Variants in KIF13A observed in about 807,000 individuals in gnomAD.
The protein encoded by KIF13A is kinesin-like protein KIF13A.
In KIF13A, 79 loss-of-function variants were observed where a neutral mutation model predicts 212.2. That is an observed-to-expected ratio of 0.37 (90% CI 0.31 to 0.45). The LOEUF (loss-of-function observed/expected upper bound fraction) is 0.45. KIF13A is among the 20% of genes least tolerant of loss of function. The pLI is 1.00. For missense variants in KIF13A, 1,901 were observed against 2,209.0 expected (o/e 0.86, Z 2.79); for synonymous variants, 789 against 808.6 (o/e 0.98, Z 0.41).
chr6:17,886,275 C>T lies in KIF13A; in HGVS notation c.159+11893G>A, dbSNP rs1057184174. Among the ~76,000 whole-genome samples, 1 of 152,230 alleles carries T rather than the reference C, an allele frequency of 6.6e-6. No individual in the cohort carries two copies. The highest frequency in any genetic ancestry group is 1.5e-5 in the Non-Finnish European group (1 of 68,040). ...TATCTCTCCAGTCCCCTCTGCCTCA[C>T]TGCACCATGCCAGGTACATAGAGCC... On this transcript the variant is annotated intron_variant, in intron 3 of 38. Transcript: ENST00000259711. This position sits in a 1 kb window ranked among gnomAD's most constrained non-coding sequence, Gnocchi z 5.6.
At chr6:17,858,014 A>T (rs2150409308) in intron 4 of KIF13A, among the ~76,000 whole-genome samples, 1 of 152,248 alleles carries the variant, frequency 6.6e-6, no homozygotes, top group East Asian at 1.9e-4. Context: ...AAATTAAAAA[A>T]CATTAAGTGA....
At chr6:17,977,216 G>A (rs1282363957) in intron 2 of KIF13A, among the ~76,000 whole-genome samples, 1 of 151,260 alleles carries the variant, frequency 6.6e-6, no homozygotes, top group Non-Finnish European at 1.5e-5. Flanking sequence ...TGATTCTGAT[G>A]CACATTCAAG....
At chr6:17,780,035 C>T (rs969873414) in intron 31 of KIF13A, among the ~76,000 whole-genome samples, 7 of 151,902 alleles carry the variant, frequency 4.6e-5, no homozygotes, top group Non-Finnish European at 8.8e-5. Flanking sequence ...CGTGAGCCAC[C>T]GCGCCCAGCC....
intron 2 of KIF13A, among the ~76,000 whole-genome samples, chr6:17,948,008 T>C (rs986734303): frequency 6.6e-6 from 1 of 152,250 alleles, no homozygotes; most frequent in African/African-American, 2.4e-5. Flanking sequence ...TTGCAACTTA[T>C]TTTTTCAAAA....
chr6:17,876,160 C>T (rs932901410), intron 3 of KIF13A, among the ~76,000 whole-genome samples: 15 of 152,132 alleles, frequency 9.9e-5, no homozygotes, highest in African/African-American at 3.4e-4. Flanking sequence ...TTCCTGGGCT[C>T]ACTGCTATTG....
At chr6:17,821,107 C>A (rs1764391777) in intron 16 of KIF13A, among the ~76,000 whole-genome samples, 2 of 152,156 alleles carry the variant, frequency 1.3e-5, no homozygotes, top group African/African-American at 2.4e-5. Context: ...GCAATCCTCC[C>A]ACTTTGGCTT....
intron 2 of KIF13A, among the ~76,000 whole-genome samples, chr6:17,921,102 T>C (rs942440941): frequency 2.0e-5 from 3 of 152,088 alleles, no homozygotes; most frequent in African/African-American, 7.2e-5. Context: ...CAGAGAAGGA[T>C]TACTGCAGCA....
At chr6:17,911,805 C>T (rs1213975253) in intron 2 of KIF13A, among the ~76,000 whole-genome samples, 3 of 149,412 alleles carry the variant, frequency 2.0e-5, no homozygotes, top group Non-Finnish European at 4.4e-5. Context: ...CACTATGTAG[C>T]CCAAGCTGGA....
rs1305907032 is a variant in KIF13A at position 17,895,333 on chromosome 6, G to A, written c.159+2835C>T. Among the ~76,000 whole-genome samples the A allele has an allele frequency of 6.6e-6, 1 of 152,114 alleles. No individual in the cohort carries two copies. Among genetic ancestry groups the A allele is most frequent in the Non-Finnish European group, 1.5e-5 (1 of 68,014 alleles). On this transcript the variant is annotated intron_variant, in intron 3 of 38. Coordinates refer to ENST00000259711, the MANE Select transcript of KIF13A (RefSeq NM_022113.6). This position sits in a 1 kb window ranked among gnomAD's most constrained non-coding sequence, Gnocchi z 4.4. Reference sequence around the variant, plus strand: ...TCTTGTCATGTACCTCCTTAACTTTGATGGTGTATTGGACATTGTATTTTT... The same window carrying A: ...TCTTGTCATGTACCTCCTTAACTTTAATGGTGTATTGGACATTGTATTTTT...
At chr6:17,805,920 C>A (rs1439303718) in intron 18 of KIF13A, among the ~76,000 whole-genome samples, 4 of 83,048 alleles carry the variant, frequency 4.8e-5, no homozygotes, top group African/African-American at 1.4e-4. Flanking sequence ...TTCATAAGCA[C>A]GATTTTTTTT....
rs1445739594 is a variant in KIF13A, at chr6:17,897,962, A to AT, written c.159+205dup. Among the ~76,000 whole-genome samples the AT allele has an allele frequency of 2.0e-5, 3 of 152,260 alleles. No individual in the cohort carries two copies. Among genetic ancestry groups the AT allele is most frequent in the African/African-American group, 7.2e-5 (3 of 41,470 alleles). On this transcript the variant is annotated intron_variant, in intron 3 of 38. Transcript: ENST00000259711. The surrounding 1 kb of genome is among the most constrained non-coding windows in gnomAD (Gnocchi z 4.8). ...TTACAGCATTCATTCTGAGAATGAA[A>AT]TAATATGTGAAAGTGCTCTGTCAAT...
rs116176317 is a variant in KIF13A at position 17,972,761 on chromosome 6, C to A, written c.146+14293G>T. 2.9e-3 allele frequency among the ~76,000 whole-genome samples: 428 copies of A among 149,656 alleles called. 1 individual carries two copies. Among genetic ancestry groups the A allele is most frequent in the African/African-American group, 0.01 (414 of 40,598 alleles). ...TGTCTCCCCAAGACAATACAAAGGG[C>A]CAACAGTAAAGAGCAAAGCTTCCCT... On this transcript the variant is annotated intron_variant, in intron 2 of 38. Coordinates refer to ENST00000259711, the MANE Select transcript of KIF13A (RefSeq NM_022113.6).
At chr6:17,854,100 T>G (rs972351824) in intron 6 of KIF13A, among the ~76,000 whole-genome samples, 1 of 152,202 alleles carries the variant, frequency 6.6e-6, no homozygotes, top group Non-Finnish European at 1.5e-5. Flanking sequence ...GGTCACTTCC[T>G]TGTCACTCAT....
rs1001574552 is a variant in KIF13A at position 17,888,177 on chromosome 6, G to A, written c.159+9991C>T. On this transcript the variant is annotated intron_variant, in intron 3 of 38. Coordinates refer to ENST00000259711, the MANE Select transcript of KIF13A (RefSeq NM_022113.6). The surrounding 1 kb of genome is among the most constrained non-coding windows in gnomAD (Gnocchi z 4.8). ...ACCATAATCTATTTTCCACTACTTA[G>A]ATTATAGTATATCTAATCTTCCTTA... is the stretch of plus-strand genomic sequence containing the variant. Among the ~76,000 whole-genome samples the A allele has an allele frequency of 6.6e-6, 1 of 152,110 alleles. No homozygotes were observed. The highest frequency in any genetic ancestry group is 1.5e-5 in the Non-Finnish European group (1 of 68,020).
intron 4 of KIF13A, among the ~76,000 whole-genome samples, chr6:17,867,203 T>C (rs1189296114): frequency 1.3e-5 from 2 of 152,110 alleles, no homozygotes; most frequent in African/African-American, 2.4e-5. Context: ...GGGCTGCTGA[T>C]TCTAAGAAAA....
chr6:17,798,509 T>C (rs1442123303), intron 22 of KIF13A, among the ~76,000 whole-genome samples: 2 of 152,338 alleles, frequency 1.3e-5, no homozygotes, highest in Non-Finnish European at 1.5e-5. Context: ...CCCTTACCTA[T>C]GTGAAATTTT....
rs1388848577 is a variant in KIF13A at position 17,834,292 on chromosome 6, A to G, written c.1156-221T>C. On this transcript the variant is annotated intron_variant, in intron 11 of 38. Coordinates refer to ENST00000259711, the MANE Select transcript of KIF13A (RefSeq NM_022113.6). The surrounding 1 kb of genome is among the most constrained non-coding windows in gnomAD (Gnocchi z 4.0). ...TACCAGTGTCCTGAATGAAAATGAA[A>G]CAAATCATTAGTCATTTTATCCATT... Among the ~76,000 whole-genome samples the G allele has an allele frequency of 6.6e-6, 1 of 152,262 alleles. No homozygotes were observed. Among genetic ancestry groups the G allele is most frequent in the Non-Finnish European group, 1.5e-5 (1 of 68,048 alleles).
intron 2 of KIF13A, among the ~76,000 whole-genome samples, chr6:17,923,920 A>T (rs182381622): frequency 3.1e-4 from 47 of 152,276 alleles, no homozygotes; most frequent in Middle Eastern, 3.4e-3. Context: ...CAGTATTTAC[A>T]TGATCAGCCC....
intron 4 of KIF13A, among the ~76,000 whole-genome samples, chr6:17,863,907 T>C (rs925346027): frequency 2.0e-5 from 3 of 152,144 alleles, no homozygotes; most frequent in Non-Finnish European, 4.4e-5. Context: ...CCTCAGTTCA[T>C]GAAAAAAGGA....
Sources: gnomAD v4.1 joint callset for allele counts (sites outside exome capture counted in the v4.1 genomes callset) on GRCh38, gnomAD v4.1.1 for gene constraint, Gnocchi (gnomAD v3.1) non-coding constraint, MANE v1.5 for transcripts, NCBI Gene and HGNC (gene_info 2026-07-23, HGNC 2026-07-21) for gene names.